PFKFB3: variants seen among roughly 807,000 people sequenced by gnomAD.
The protein encoded by PFKFB3 is 6-phosphofructo-2-kinase/fructose-2,6-bisphosphatase 3.
Under a neutral mutation model 68.0 loss-of-function variants are expected in PFKFB3, and 33 were observed. The observed-to-expected ratio is 0.49, with a 90% CI of 0.37 to 0.65. The LOEUF (loss-of-function observed/expected upper bound fraction) is 0.65, where lower values mean the gene tolerates loss of function less well. Ranked by LOEUF, PFKFB3 falls within the 30% of genes least tolerant of loss-of-function variation. The probability of loss-of-function intolerance (pLI) is 0.00; values close to 1 mark genes in which losing one functional copy is unlikely to be tolerated. For synonymous variants in PFKFB3, 315 were observed against 288.2 expected (o/e 1.09, Z -0.94); for missense variants, 586 against 712.2 (o/e 0.82, Z 2.02).
At position 6,144,997 on chromosome 10, in the gene PFKFB3, G is replaced by A. The variant is rs775115653; in HGVS notation, c.-1G>A. The A allele has an allele frequency of 1.4e-5, 19 of 1,327,774 alleles. No homozygotes were observed. The South Asian group carries it at 3.6e-4, about 25-fold the overall frequency. The allele number at this position is 1,327,774 out of a possible 1,614,324, so 82.2% of individuals were successfully genotyped here. A position where few individuals can be genotyped will look rare whatever the true frequency, so the allele number is the denominator to read the frequency against. On this transcript the variant is annotated 5_prime_UTR_variant, in exon 1 of 15. Transcript: ENST00000379789. ...GCCCCGCGGGGAGCGCCCCCGGCGC[G>A]ATGCCCTTCAGGAAAGGTAGGAGTC...
chr10:6,303,401 A>G, the PFKFB3 span, among the ~76,000 whole-genome samples: 5 of 152,266 alleles, frequency 3.3e-5, no homozygotes. Flanking sequence ...AGGTTTATTC[A>G]GAGTGCAACG....
At chr10:6,290,779 C>T in the PFKFB3 span, among the ~76,000 whole-genome samples, 2 of 152,254 alleles carry the variant, frequency 1.3e-5, no homozygotes, top group African/African-American at 2.4e-5. Context: ...GTTGGGATTA[C>T]AGGCATAAGC....
intron 1 of PFKFB3, among the ~76,000 whole-genome samples, chr10:6,165,891 T>G (rs1315541350): frequency 6.6e-6 from 1 of 151,790 alleles, no homozygotes; most frequent in East Asian, 1.9e-4. Context: ...CTCCGCTCAC[T>G]GCAACCTCTG....
the PFKFB3 span, among the ~76,000 whole-genome samples, chr10:6,311,674 G>A: frequency 6.6e-6 from 1 of 152,086 alleles, no homozygotes; most frequent in Non-Finnish European, 1.5e-5. Context: ...ACTTGAACCC[G>A]GGAGGCGGAG....
rs12357847 is a variant in PFKFB3, at chr10:6,228,548, A to T, written c.1515+2183A>T. 1.3e-5 allele frequency among the ~76,000 whole-genome samples: 2 copies of T among 151,778 alleles called. No homozygotes were observed. The highest frequency in any genetic ancestry group is 2.1e-4 in the South Asian group (1 of 4,798). ...GCTCGGCATAAATCCACATTTCCTT[A>T]TCAGAATCAGATCTTGGTGGCGAGC... On this transcript the variant is annotated intron_variant, in intron 14 of 14. Transcript: ENST00000379775. This position sits in a 1 kb window ranked among gnomAD's most constrained non-coding sequence, Gnocchi z 4.5.
At chr10:6,169,856 G>A (rs958773051) in intron 1 of PFKFB3, among the ~76,000 whole-genome samples, 1 of 152,202 alleles carries the variant, frequency 6.6e-6, no homozygotes, top group Non-Finnish European at 1.5e-5. Flanking sequence ...ACATTGTTAT[G>A]TCTTGGATGT....
chr10:6,193,483 T>C lies in PFKFB3; in HGVS notation c.17-20140T>C, dbSNP rs372198722. On this transcript the variant is annotated intron_variant, in intron 1 of 14. Transcript: ENST00000379789. ...ACCTTCTCCATGTCGGACACTGTGG[T>C]AGGATCTGGTGATTCAAAGATGAAC... Among the ~76,000 whole-genome samples, 3 of 152,346 alleles carry C rather than the reference T, an allele frequency of 2.0e-5. No homozygotes were observed. The East Asian group carries it at 5.8e-4, about 29-fold the overall frequency.
chr10:6,226,194 T>C lies in PFKFB3; in HGVS notation c.1344T>C (p.Asp448=). The change falls in exon 14 of 15, where the codon GAT becomes GAC. Residue 448 remains aspartate (D), a splice_region_variant and synonymous_variant. Coordinates refer to ENST00000379775, the MANE Select transcript of PFKFB3 (RefSeq NM_004566.4). ...TCTTTTGTCTTTGTCTTGCTTAGGA[T>C]GCAAAGAAGGGACCTAACCCGCTCA... is the stretch of plus-strand genomic sequence containing the variant. ...SVCTHRERSE[D]AKKGPNPLMR... is the part of the protein sequence containing the mutation. 6.3e-7 allele frequency: 1 copy of C among 1,582,168 alleles called. No individual in the cohort carries two copies. Among genetic ancestry groups the C allele is most frequent in the Non-Finnish European group, 8.6e-7 (1 of 1,166,288 alleles).
At chr10:6,216,910 C>A in intron 5 of PFKFB3, 130 bp downstream of exon 5, 1 of 813,982 alleles carries the variant, frequency 1.2e-6, no homozygotes, top group Non-Finnish European at 2.1e-6. Context: ...GGTCCCTCCC[C>A]TCCTGCTGCC....
chr10:6,208,636 A>T (rs2131899782), intron 1 of PFKFB3, among the ~76,000 whole-genome samples: 1 of 152,024 alleles, frequency 6.6e-6, no homozygotes, highest in Non-Finnish European at 1.5e-5. Flanking sequence ...TTTACTGGGG[A>T]TGCATTCTGT....
At chr10:6,172,754 C>T (rs750117556) in intron 1 of PFKFB3, among the ~76,000 whole-genome samples, 5 of 151,418 alleles carry the variant, frequency 3.3e-5, no homozygotes, top group East Asian at 3.9e-4. Context: ...CCCAGTAGGT[C>T]GAGGCTGCAG....
chr10:6,247,916 T>C (rs1312811292), intron 14 of PFKFB3, among the ~76,000 whole-genome samples: 1 of 152,202 alleles, frequency 6.6e-6, no homozygotes, highest in African/African-American at 2.4e-5. Context: ...ATTTAATATA[T>C]GAAAAAACTC....
chr10:6,195,392 G>A (rs190161213), intron 1 of PFKFB3, among the ~76,000 whole-genome samples: 2 of 152,276 alleles, frequency 1.3e-5, no homozygotes, highest in East Asian at 3.9e-4. Context: ...GCACAATACT[G>A]AGGAATTGTC....
chr10:6,165,522 G>T (rs945668311), intron 1 of PFKFB3, among the ~76,000 whole-genome samples: 2 of 152,156 alleles, frequency 1.3e-5, no homozygotes, highest in Non-Finnish European at 2.9e-5. Flanking sequence ...ATTTTCCCAG[G>T]TGGAGAATTT....
the PFKFB3 span, among the ~76,000 whole-genome samples, chr10:6,262,021 A>AAAC: frequency 6.7e-6 from 1 of 148,872 alleles, no homozygotes; most frequent in Admixed American, 6.7e-5. Flanking sequence ...ACAAAAAACA[A>AAAC]AAAAAAAAAC....
At chr10:6,224,563 C>T in intron 13 of PFKFB3, 1 of 454,900 alleles carries the variant, frequency 2.2e-6, no homozygotes, top group Non-Finnish European at 4.3e-6. Flanking sequence ...TCACTGCAGC[C>T]TCAACCTCCT....
chr10:6,304,063 C>T, the PFKFB3 span, among the ~76,000 whole-genome samples: 4 of 152,282 alleles, frequency 2.6e-5, no homozygotes, highest in South Asian at 8.3e-4. Flanking sequence ...CAGAGTGCTG[C>T]TTTGATCTGT....
rs1467942935 is a variant in PFKFB3 at position 6,228,430 on chromosome 10, G to C, written c.1515+2065G>C. The stretch of plus-strand genomic sequence containing the variant: ...AGGCGGTCATGGTGGCTGCACTACT[G>C]TTGGGTGTGTTCCGACACCGCCGCA... On this transcript the variant is annotated intron_variant, in intron 14 of 14. Transcript: ENST00000379775. This position sits in a 1 kb window ranked among gnomAD's most constrained non-coding sequence, Gnocchi z 4.5. 4.7e-6 allele frequency: 3 copies of C among 637,410 alleles called. No individual in the cohort carries two copies. Among genetic ancestry groups the C allele is most frequent in the Non-Finnish European group, 8.5e-6 (3 of 351,750 alleles). The allele number at this position is 637,410 out of a possible 1,614,324, so 39.5% of individuals were successfully genotyped here. A position where few individuals can be genotyped will look rare whatever the true frequency, so the allele number is the denominator to read the frequency against.
intron 14 of PFKFB3, chr10:6,231,352 C>G (rs183238552): frequency 6.2e-7 from 1 of 1,611,534 alleles, no homozygotes; most frequent in Non-Finnish European, 8.5e-7. Flanking sequence ...TCCCGCACCG[C>G]GTCACGGCAT....
Sources: allele counts gnomAD v4.1 joint callset (sites outside exome capture counted in the v4.1 genomes callset), GRCh38; gene constraint gnomAD v4.1.1; non-coding constraint Gnocchi (gnomAD v3.1); transcripts MANE v1.5; gene names NCBI Gene and HGNC (gene_info 2026-07-23, HGNC 2026-07-21).